The following LIFR variants were observed in gnomAD, a reference collection of about 807,000 sequenced individuals.
LIFR encodes leukemia inhibitory factor receptor.
LIFR carries 84 observed loss-of-function variants against 122.2 expected under a neutral mutation model. The ratio of observed to expected loss-of-function variants is 0.69; its 90% CI spans 0.58 to 0.82. LIFR has a LOEUF of 0.82. LIFR is among the 40% of genes least tolerant of loss of function. The probability of loss-of-function intolerance (pLI) is 0.00; values close to 1 mark genes in which losing one functional copy is unlikely to be tolerated. For synonymous variants in LIFR, 422 were observed against 434.7 expected (o/e 0.97, Z 0.36); for missense variants, 1,294 against 1,311.6 (o/e 0.99, Z 0.21).
intron 1 of LIFR, among the ~76,000 whole-genome samples, chr5:38,545,638 G>A (rs185000296): frequency 2.6e-5 from 4 of 152,044 alleles, no homozygotes; most frequent in Admixed American, 1.3e-4. Context: ...CGAGGTGGGC[G>A]GATCACGAGG....
chr5:38,553,712 A>T (rs1465605189), intron 1 of LIFR, among the ~76,000 whole-genome samples: 3 of 137,750 alleles, frequency 2.2e-5, no homozygotes, highest in Non-Finnish European at 4.7e-5. Context: ...ATGATAGCTT[A>T]CACTAGTCCT....
intron 5 of LIFR, among the ~76,000 whole-genome samples, chr5:38,518,688 T>C (rs920813741): frequency 6.6e-6 from 1 of 152,230 alleles, no homozygotes; most frequent in African/African-American, 2.4e-5. Context: ...ATGTATTTAG[T>C]GTACTACACT....
intron 9 of LIFR, among the ~76,000 whole-genome samples, chr5:38,504,910 G>A (rs184873908): frequency 9.2e-5 from 14 of 152,286 alleles, no homozygotes; most frequent in Admixed American, 8.5e-4. Context: ...GAGACTGTAT[G>A]AGACATGCCT....
At chr5:38,533,885 T>C (rs1747152681) in intron 1 of LIFR, among the ~76,000 whole-genome samples, 1 of 152,224 alleles carries the variant, frequency 6.6e-6, no homozygotes, top group Non-Finnish European at 1.5e-5. Context: ...GCCCAAAGCA[T>C]CTTTTATCTC....
At chr5:38,506,415 A>C in intron 8 of LIFR, 88 bp downstream of exon 8, 1 of 1,471,776 alleles carries the variant, frequency 6.8e-7, no homozygotes, top group South Asian at 1.1e-5. Context: ...TTTGTAACAT[A>C]AATGATCTAG....
upstream of LIFR, among the ~76,000 whole-genome samples, chr5:38,560,556 C>T (rs113881844): frequency 0.035 from 5,308 of 151,838 alleles, 239 homozygotes; most frequent in African/African-American, 0.1. Context: ...CTAGCTTGGC[C>T]CCAACAGGAT....
rs896512400 is a variant in LIFR at position 38,577,110 on chromosome 5, A to C, written c.-20+18151T>G. Among the ~76,000 whole-genome samples, 3 of 152,346 alleles carry C rather than the reference A, an allele frequency of 2.0e-5. No individual in the cohort carries two copies. The South Asian group carries it at 6.2e-4, about 32-fold the overall frequency. On this transcript the variant is annotated intron_variant, in intron 1 of 19. Transcript: ENST00000263409. Reference sequence around the variant, plus strand: ...AGACATTCAAAGACACCAGTTAAAAAGATTTTTATGATTTGGTTTCTAAAC... The same window carrying C: ...AGACATTCAAAGACACCAGTTAAAACGATTTTTATGATTTGGTTTCTAAAC...
At chr5:38,492,847 G>C (rs993795231) in intron 14 of LIFR, among the ~76,000 whole-genome samples, 9 of 152,100 alleles carry the variant, frequency 5.9e-5, no homozygotes, top group Non-Finnish European at 1.2e-4. Flanking sequence ...ATGGGGACAG[G>C]CAGGATACAC....
chr5:38,513,860 T>C (rs1745934783), intron 5 of LIFR, among the ~76,000 whole-genome samples: 2 of 151,898 alleles, frequency 1.3e-5, no homozygotes, highest in East Asian at 1.9e-4. Flanking sequence ...GCAACCAGGA[T>C]GACCAGAAAG....
At chr5:38,545,485 T>G (rs1047838131) in intron 1 of LIFR, among the ~76,000 whole-genome samples, 1 of 152,084 alleles carries the variant, frequency 6.6e-6, no homozygotes, top group Non-Finnish European at 1.5e-5. Context: ...GTATTTTTAC[T>G]TATATTCCCT....
At chr5:38,603,788 T>C (rs1233572148) in intron 2 of LIFR, among the ~76,000 whole-genome samples, 9 of 152,196 alleles carry the variant, frequency 5.9e-5, no homozygotes, top group African/African-American at 2.2e-4. Context: ...TCCAAGGGTT[T>C]TATTACCCAG....
chr5:38,589,152 C>G (rs2112758773), intron 1 of LIFR, among the ~76,000 whole-genome samples: 1 of 152,096 alleles, frequency 6.6e-6, no homozygotes, highest in South Asian at 2.1e-4. Flanking sequence ...CTCCTGCCAC[C>G]ACGCCCAGCT....
chr5:38,517,349 T>C (rs1261958922), intron 5 of LIFR, among the ~76,000 whole-genome samples: 4 of 152,306 alleles, frequency 2.6e-5, no homozygotes, highest in East Asian at 3.9e-4. Context: ...TTACAAAAGA[T>C]ACAAACTAGG....
chr5:38,503,679 T>G (rs749841557), intron 10 of LIFR, among the ~76,000 whole-genome samples: 2 of 152,208 alleles, frequency 1.3e-5, no homozygotes, highest in Non-Finnish European at 2.9e-5. Context: ...ATTCATCCAT[T>G]AATGATGCTA....
chr5:38,478,511 C>T lies in LIFR; in HGVS notation c.*3084G>A, dbSNP rs1743827897. 9.8e-6 allele frequency: 2 copies of T among 204,568 alleles called. No individual in the cohort carries two copies. Among genetic ancestry groups the T allele is most frequent in the Admixed American group, 1.2e-4 (2 of 16,734 alleles). 12.7% of individuals were successfully genotyped at this position (204,568 alleles called of 1,614,324 possible). A position where few individuals can be genotyped will look rare whatever the true frequency, so the allele number is the denominator to read the frequency against. ...TGTATAAATTCAACAAATTGATGACCTAGATTGCATACATGTGCTAATCTA... is the reference window on the plus strand; with the variant it reads ...TGTATAAATTCAACAAATTGATGACTTAGATTGCATACATGTGCTAATCTA... On this transcript the variant is annotated 3_prime_UTR_variant, in exon 20 of 20. Transcript: ENST00000453190.
At chr5:38,515,534 T>C (rs1318194770) in intron 5 of LIFR, among the ~76,000 whole-genome samples, 1 of 151,748 alleles carries the variant, frequency 6.6e-6, no homozygotes, top group East Asian at 1.9e-4. Flanking sequence ...ATGAATACTG[T>C]TCTACCAAAA....
intron 1 of LIFR, among the ~76,000 whole-genome samples, chr5:38,573,444 T>C (rs1367824302): frequency 6.6e-6 from 1 of 152,244 alleles, no homozygotes; most frequent in African/African-American, 2.4e-5. Flanking sequence ...CCATATTACT[T>C]AGAACAGAAG....
At chr5:38,575,506 C>T (rs1012118237) in intron 1 of LIFR, among the ~76,000 whole-genome samples, 2 of 152,130 alleles carry the variant, frequency 1.3e-5, no homozygotes, top group African/African-American at 2.4e-5. Context: ...GGTTACCCAC[C>T]GTTTGCCCAG....
chr5:38,509,748 G>A (rs1239725597), intron 7 of LIFR, among the ~76,000 whole-genome samples: 1 of 152,156 alleles, frequency 6.6e-6, no homozygotes, highest in Non-Finnish European at 1.5e-5. Flanking sequence ...CATTACAGTT[G>A]CTACAAGGAA....
Sources: gnomAD v4.1 joint callset for allele counts (sites outside exome capture counted in the v4.1 genomes callset) on GRCh38, gnomAD v4.1.1 for gene constraint, MANE v1.5 for transcripts, NCBI Gene and HGNC (gene_info 2026-07-23, HGNC 2026-07-21) for gene names.